KSR2: variants seen among roughly 807,000 people sequenced by gnomAD.
KSR2 encodes the protein kinase suppressor of ras 2.
KSR2 carries 25 observed loss-of-function variants against 107.8 expected under a neutral mutation model. The observed-to-expected ratio is 0.23, with a 90% CI of 0.17 to 0.32. The LOEUF is 0.32. Among genes scored for constraint, KSR2 ranks in the 10% least tolerant of loss-of-function variants. The pLI is 1.00. For missense variants in KSR2, 887 were observed against 1,268.9 expected, an observed-to-expected ratio of 0.70 and a Z score of 4.57; for synonymous variants, 480 against 507.0, an observed-to-expected ratio of 0.95 and a Z score of 0.71.
Position 117,907,301 on chromosome 12 carries a change from C to T in KSR2, c.181-46870G>A, listed in dbSNP as rs1231986205. 6.6e-6 allele frequency among the ~76,000 whole-genome samples: 1 copy of T among 152,210 alleles called. No homozygotes were observed. Among genetic ancestry groups the T allele is most frequent in the African/African-American group, 2.4e-5 (1 of 41,434 alleles). ...TTCTGGATGGGGGCGTCCTGACATGCTGACGCCACAGAGATGAAACAGGTG... is the reference window on the plus strand; with the variant it reads ...TTCTGGATGGGGGCGTCCTGACATGTTGACGCCACAGAGATGAAACAGGTG... On this transcript the variant is annotated intron_variant, in intron 1 of 19. Transcript: ENST00000339824. This position sits in a 1 kb window ranked among gnomAD's most constrained non-coding sequence, Gnocchi z 4.3.
intron 4 of KSR2, among the ~76,000 whole-genome samples, chr12:117,752,912 CTTTCTTCCCCCA>C (rs1888658911): frequency 1.3e-5 from 2 of 152,186 alleles, no homozygotes; most frequent in African/African-American, 4.8e-5. Context: ...TTGTTAGGAT[CTTTCTTCCCCCA>C]ACAACGTGGC....
intron 5 of KSR2, among the ~76,000 whole-genome samples, chr12:117,629,503 T>C (rs1271592872): frequency 6.6e-6 from 1 of 152,194 alleles, no homozygotes; most frequent in Admixed American, 6.5e-5. Flanking sequence ...ACAAAATCTA[T>C]GCTGACAATT....
At chr12:117,748,002 C>A (rs186181438) in intron 4 of KSR2, among the ~76,000 whole-genome samples, 1 of 152,158 alleles carries the variant, frequency 6.6e-6, no homozygotes, top group Non-Finnish European at 1.5e-5. Flanking sequence ...ATCTGCACTA[C>A]CATATTTATT....
intron 1 of KSR2, among the ~76,000 whole-genome samples, chr12:117,954,081 C>A (rs1261503099): frequency 1.3e-5 from 2 of 148,894 alleles, no homozygotes; most frequent in African/African-American, 5.1e-5. Flanking sequence ...CAGAGCAAGA[C>A]CCTGTCTCAA....
At chr12:117,803,136 G>A (rs939335562) in intron 3 of KSR2, among the ~76,000 whole-genome samples, 28 of 152,136 alleles carry the variant, frequency 1.8e-4, no homozygotes, top group African/African-American at 6.8e-4. Context: ...ACAATGTACA[G>A]AGTTAAGTAA....
intron 4 of KSR2, among the ~76,000 whole-genome samples, chr12:117,724,573 AACCTGCCC>A (rs1488705074): frequency 8.0e-6 from 1 of 124,274 alleles, no homozygotes; most frequent in Admixed American, 8.6e-5. Context: ...TCAGCAAAAA[AACCTGCCC>A]CCCCACCCCC....
At chr12:117,712,246 C>T (rs931689748) in intron 4 of KSR2, among the ~76,000 whole-genome samples, 1 of 152,200 alleles carries the variant, frequency 6.6e-6, no homozygotes, top group African/African-American at 2.4e-5. Context: ...TGCCTGCACG[C>T]TCCTCTCAAG....
At position 117,526,797 on chromosome 12, in the gene KSR2, C is replaced by T. The variant is rs146144225; in HGVS notation, c.1851+274G>A. ...CACATCCCCCTTGGTATTCACCCGGCCCTGAGCTGATCTTTCCACTAAGAA... is the reference window on the plus strand; with the variant it reads ...CACATCCCCCTTGGTATTCACCCGGTCCTGAGCTGATCTTTCCACTAAGAA... On this transcript the variant is annotated intron_variant, in intron 13 of 19. Coordinates refer to ENST00000339824, the MANE Select transcript of KSR2 (RefSeq NM_173598.6). 2.0e-3 allele frequency among the ~76,000 whole-genome samples: 303 copies of T among 152,342 alleles called. 4 individuals carry two copies. Among genetic ancestry groups the T allele is most frequent in the Admixed American group, 0.015 (237 of 15,298 alleles).
chr12:117,494,089 C>T (rs973753094), intron 14 of KSR2, among the ~76,000 whole-genome samples: 5 of 152,198 alleles, frequency 3.3e-5, no homozygotes, highest in African/African-American at 9.7e-5. Context: ...AGGTGCTGAA[C>T]ACACGAATGA....
At chr12:117,715,116 C>T (rs1173056527) in intron 4 of KSR2, among the ~76,000 whole-genome samples, 3 of 152,118 alleles carry the variant, frequency 2.0e-5, no homozygotes, top group Admixed American at 2.0e-4. Flanking sequence ...TTCATGCTCG[C>T]ATTCACAATT....
At chr12:117,578,968 A>G (rs1031051193) in intron 7 of KSR2, 151 bp downstream of exon 7, 257 of 659,452 alleles carry the variant, frequency 3.9e-4, no homozygotes, top group Non-Finnish European at 2.7e-5. Context: ...ACCCAAACTT[A>G]CAGGTGCATT....
chr12:117,512,145 G>A (rs867951417), intron 14 of KSR2, among the ~76,000 whole-genome samples: 1 of 152,214 alleles, frequency 6.6e-6, no homozygotes, highest in African/African-American at 2.4e-5. Flanking sequence ...AAGGAAGTCT[G>A]CATGCAGTGG....
chr12:117,620,963 G>A (rs1385965063), intron 5 of KSR2, among the ~76,000 whole-genome samples: 1 of 152,048 alleles, frequency 6.6e-6, no homozygotes, highest in Middle Eastern at 3.2e-3. Context: ...GAATATTAGA[G>A]GATATATAAT....
intron 1 of KSR2, among the ~76,000 whole-genome samples, chr12:117,889,930 T>C (rs1006237596): frequency 6.6e-6 from 1 of 152,132 alleles, no homozygotes; most frequent in African/African-American, 2.4e-5. Flanking sequence ...AGTGCCAAGG[T>C]TGAAACACCC....
At chr12:117,544,118 G>A (rs556303577) in intron 9 of KSR2, among the ~76,000 whole-genome samples, 55 of 152,172 alleles carry the variant, frequency 3.6e-4, no homozygotes, top group Non-Finnish European at 7.3e-4. Context: ...GCATATCTTT[G>A]TGCGGAATAC....
rs533290186 is a variant in KSR2, at chr12:117,589,403, C to T, written c.1172-7044G>A. 8.5e-5 allele frequency among the ~76,000 whole-genome samples: 13 copies of T among 152,234 alleles called. No individual in the cohort carries two copies. The South Asian group carries it at 2.7e-3, about 32-fold the overall frequency. On this transcript the variant is annotated intron_variant, in intron 5 of 19. Coordinates refer to ENST00000339824, the MANE Select transcript of KSR2 (RefSeq NM_173598.6). ...TATTTCACTTAGTCTCCATAATTCCCTTTTAGGTGCTAAAGCTCAGGTTTG... is the reference window on the plus strand; with the variant it reads ...TATTTCACTTAGTCTCCATAATTCCTTTTTAGGTGCTAAAGCTCAGGTTTG...
intron 4 of KSR2, among the ~76,000 whole-genome samples, chr12:117,728,714 G>C (rs1272222764): frequency 6.6e-6 from 1 of 152,220 alleles, no homozygotes; most frequent in Admixed American, 6.5e-5. Context: ...CATCTCAGGT[G>C]ATGCAGGGGC....
intron 14 of KSR2, among the ~76,000 whole-genome samples, chr12:117,508,466 T>C (rs1458732021): frequency 6.6e-6 from 1 of 152,044 alleles, no homozygotes; most frequent in African/African-American, 2.4e-5. Context: ...AGTGGATGGG[T>C]GCATGAATGG....
chr12:117,598,573 T>C lies in KSR2; in HGVS notation c.1172-16214A>G, dbSNP rs187398744. ...TCCCTAGTGGTTGTACTAGTTTACA[T>C]TCCCACTGGCAGTATAAAAGTGTTC... On this transcript the variant is annotated intron_variant, in intron 5 of 19. Transcript: ENST00000339824. 4.6e-5 allele frequency among the ~76,000 whole-genome samples: 7 copies of C among 152,336 alleles called. 1 individual carries two copies. The highest frequency in any genetic ancestry group is 6.5e-5 in the Admixed American group (1 of 15,308).
Sources: gnomAD v4.1 joint callset for allele counts (sites outside exome capture counted in the v4.1 genomes callset) on GRCh38, gnomAD v4.1.1 for gene constraint, Gnocchi (gnomAD v3.1) non-coding constraint, MANE v1.5 for transcripts, NCBI Gene and HGNC (gene_info 2026-07-23, HGNC 2026-07-21) for gene names.